Variants in ANGPT4 observed in about 807,000 individuals in gnomAD.
The protein encoded by ANGPT4 is angiopoietin 4, also known as angiopoietin-4.
Under a neutral mutation model 53.0 loss-of-function variants are expected in ANGPT4, and 50 were observed. The ratio of observed to expected loss-of-function variants is 0.94; its 90% confidence interval spans 0.75 to 1.20. ANGPT4 has a LOEUF of 1.20. ANGPT4 is among the 50% of genes most tolerant of loss of function. The pLI is 0.00. For synonymous variants in ANGPT4, 251 were observed against 259.7 expected (o/e 0.97, Z 0.32); for missense variants, 648 against 637.1 (o/e 1.02, Z -0.18).
chr20:892,619 A>C (rs537755190), intron 1 of ANGPT4, among the ~76,000 whole-genome samples: 5 of 151,682 alleles, frequency 3.3e-5, no homozygotes, highest in Non-Finnish European at 7.4e-5. Context: ...AGTATAGAGA[A>C]TAAATATAGC....
chr20:875,414 G>A (rs1047999644), intron 7 of ANGPT4, among the ~76,000 whole-genome samples: 1 of 152,188 alleles, frequency 6.6e-6, no homozygotes, highest in Non-Finnish European at 1.5e-5. Flanking sequence ...GCCAGGTGAG[G>A]ATTTCTATTT....
At chr20:891,378 G>A (rs943983434) in intron 1 of ANGPT4, among the ~76,000 whole-genome samples, 3 of 152,222 alleles carry the variant, frequency 2.0e-5, no homozygotes, top group East Asian at 3.8e-4. Flanking sequence ...ACATGCAAAT[G>A]TTCATTTCTT....
chr20:904,892 C>T (rs1982420685), intron 1 of ANGPT4, among the ~76,000 whole-genome samples: 2 of 152,212 alleles, frequency 1.3e-5, no homozygotes, highest in Admixed American at 1.3e-4. Context: ...TCACCTCAGC[C>T]TCCCAAAACA....
At chr20:915,808 G>T in intron 1 of ANGPT4, 98 bp downstream of exon 1, 1 of 1,404,818 alleles carries the variant, frequency 7.1e-7, no homozygotes, top group Non-Finnish European at 9.6e-7. Flanking sequence ...ACAGCCCTCT[G>T]TGCTCAGGGA....
chr20:907,441 G>A (rs1021257605), intron 1 of ANGPT4, among the ~76,000 whole-genome samples: 1 of 152,170 alleles, frequency 6.6e-6, no homozygotes, highest in African/African-American at 2.4e-5. Flanking sequence ...TTTGGTGGTC[G>A]TCTATATTTC....
At chr20:898,334 A>G (rs1982137267) in intron 1 of ANGPT4, among the ~76,000 whole-genome samples, 1 of 152,092 alleles carries the variant, frequency 6.6e-6, no homozygotes, top group South Asian at 2.1e-4. Flanking sequence ...CTGCCCAAAA[A>G]TTTCCTCTTA....
chr20:888,501 C>G, intron 2 of ANGPT4, 62 bp from the exon 3 acceptor site: 1 of 1,551,108 alleles, frequency 6.4e-7, no homozygotes, highest in Non-Finnish European at 8.7e-7. Context: ...CCTGCCCAAC[C>G]ACCCACCTGC....
chr20:915,226 C>G (rs555436447), intron 1 of ANGPT4, among the ~76,000 whole-genome samples: 1 of 139,776 alleles, frequency 7.2e-6, no homozygotes, highest in Non-Finnish European at 1.6e-5. Flanking sequence ...TTCCAGTGGC[C>G]CCCCCCCCAG....
intron 1 of ANGPT4, among the ~76,000 whole-genome samples, chr20:913,015 G>T (rs1428200805): frequency 1.3e-5 from 2 of 152,206 alleles, no homozygotes; most frequent in East Asian, 3.9e-4. Context: ...GGGGAGTTGG[G>T]GGCACAGGCT....
In ANGPT4 at chr20:906,536, G is replaced by T. The variant is rs1288329811; in HGVS notation, c.309+9370C>A. Among the ~76,000 whole-genome samples, 4 of 152,260 alleles carry T rather than the reference G, an allele frequency of 2.6e-5. No individual in the cohort carries two copies. The South Asian group carries it at 8.3e-4, about 31-fold the overall frequency. ...TAGGGTAATTTGTTATGCCACAATA[G>T]ATAACTAATATACTGCTTTTCCAGA... On this transcript the variant is annotated intron_variant, in intron 1 of 8. Transcript: ENST00000381922.
chr20:878,421 TATACA>T lies in ANGPT4; in HGVS notation c.1054-99_1054-95del, dbSNP rs370593093. 405 of 1,271,712 alleles carry T rather than the reference TATACA, an allele frequency of 3.2e-4. 3 individuals carry two copies. The African/African-American group carries it at 5.4e-3, about 17-fold the overall frequency. The allele number at this position is 1,271,712 out of a possible 1,614,324, so 78.8% of individuals were successfully genotyped here. A position where few individuals can be genotyped will look rare whatever the true frequency, so the allele number is the denominator to read the frequency against. On this transcript the variant is annotated intron_variant, in intron 6 of 8. Coordinates refer to ENST00000381922, the MANE Select transcript of ANGPT4 (RefSeq NM_015985.4). The stretch of plus-strand genomic sequence containing the variant: ...GGCTGGGCCAGGCTCCAGGGCTACT[TATACA>T]AAACCACTGTGCTTAATGATCGAGT...
intron 1 of ANGPT4, among the ~76,000 whole-genome samples, chr20:891,422 A>G (rs180698064): frequency 2.0e-5 from 3 of 152,202 alleles, no homozygotes; most frequent in East Asian, 3.9e-4. Flanking sequence ...AGGGCAGGAG[A>G]GCTGGTCTGG....
rs73078124 is a variant in ANGPT4 at position 873,956 on chromosome 20, C to A, written c.1351+328G>T. Among the ~76,000 whole-genome samples, 430 of 152,314 alleles carry A rather than the reference C, an allele frequency of 2.8e-3. 3 individuals carry two copies. Among genetic ancestry groups the A allele is most frequent in the Non-Finnish European group, 5.1e-3 (345 of 68,034 alleles). Reference sequence around the variant, plus strand: ...CTCTGCCTCCCTCTGGTCTCCTGATCCTGGTTCGGCTTGCCTGGGGTTGGG... The same window carrying A: ...CTCTGCCTCCCTCTGGTCTCCTGATACTGGTTCGGCTTGCCTGGGGTTGGG... On this transcript the variant is annotated intron_variant, in intron 8 of 8. Transcript: ENST00000381922.
At chr20:896,143 C>A (rs1185782627) in intron 1 of ANGPT4, among the ~76,000 whole-genome samples, 4 of 152,154 alleles carry the variant, frequency 2.6e-5, no homozygotes, top group Admixed American at 6.6e-5. Context: ...CTCCAGTGAA[C>A]CCCCTCACCC....
At chr20:881,091 G>T in intron 5 of ANGPT4, 80 bp downstream of exon 5, 1 of 1,151,730 alleles carries the variant, frequency 8.7e-7, no homozygotes, top group Non-Finnish European at 1.2e-6. Flanking sequence ...GCCTGATCCC[G>T]ATGGGGTGCG....
rs118125965 is a variant in ANGPT4 at position 914,192 on chromosome 20, C to T, written c.309+1714G>A. Among the ~76,000 whole-genome samples, 262 of 152,122 alleles carry T rather than the reference C, an allele frequency of 1.7e-3. 3 individuals are homozygous for T. The highest frequency in any genetic ancestry group is 3.0e-3 in the Non-Finnish European group (206 of 67,990). ...CCAGAAGTGAGCAAAAGAGACATGG[C>T]GCCTGCCCTCTGGGAGCTCACACAC... is the stretch of plus-strand genomic sequence containing the variant. On this transcript the variant is annotated intron_variant, in intron 1 of 8. Transcript: ENST00000381922. The surrounding 1 kb of genome is among the most constrained non-coding windows in gnomAD (Gnocchi z 5.0).
chr20:888,444 C>A lies in ANGPT4; in HGVS notation c.466-5G>T. 1 of 1,610,140 alleles carries A rather than the reference C, an allele frequency of 6.2e-7. No individual in the cohort carries two copies. The highest frequency in any genetic ancestry group is 8.5e-7 in the Non-Finnish European group (1 of 1,179,158). ...TCTTGATGTCTGGTTCAGGAGCTGC[C>A]CCAGCAAGCAGAAGCAGGTAGGGGG... On this transcript the variant is annotated splice_region_variant and splice_polypyrimidine_tract_variant and intron_variant, in intron 2 of 8. Coordinates refer to ENST00000381922, the MANE Select transcript of ANGPT4 (RefSeq NM_015985.4).
chr20:889,097 T>C (rs1981733035), intron 2 of ANGPT4, among the ~76,000 whole-genome samples: 1 of 152,192 alleles, frequency 6.6e-6, no homozygotes, highest in Non-Finnish European at 1.5e-5. Context: ...TGGAGCACTC[T>C]CTGCAGTAAG....
intron 1 of ANGPT4, among the ~76,000 whole-genome samples, chr20:899,658 A>G (rs968234230): frequency 7.9e-5 from 12 of 152,280 alleles, no homozygotes; most frequent in African/African-American, 2.9e-4. Context: ...GGCTGGTCCA[A>G]GATCTTCGCC....
Sources: gnomAD v4.1 joint callset for allele counts (sites outside exome capture counted in the v4.1 genomes callset) on GRCh38, gnomAD v4.1.1 for gene constraint, Gnocchi (gnomAD v3.1) non-coding constraint, MANE v1.5 for transcripts, NCBI Gene and HGNC (gene_info 2026-07-23, HGNC 2026-07-21) for gene names.